The following UBTD2 variants were observed in gnomAD, a reference collection of about 807,000 sequenced individuals.
UBTD2 encodes ubiquitin domain containing 2, also known as ubiquitin domain-containing protein 2.
UBTD2 carries 9 observed loss-of-function variants against 19.8 expected under a neutral mutation model. The observed-to-expected ratio is 0.46, with a 90% CI of 0.27 to 0.79. The LOEUF (loss-of-function observed/expected upper bound fraction) is 0.79, where lower values mean the gene tolerates loss of function less well. Ranked by LOEUF, UBTD2 falls within the 30% of genes least tolerant of loss-of-function variation. UBTD2 has a pLI of 0.14. For synonymous variants in UBTD2, 98 were observed against 103.9 expected (o/e 0.94, Z 0.35); for missense variants, 250 against 300.4 (o/e 0.83, Z 1.24).
At chr5:172,252,472 A>T (rs1755043991) in intron 1 of UBTD2, 1 of 152,228 alleles carries the variant, frequency 6.6e-6, no homozygotes, top group Non-Finnish European at 1.5e-5. Flanking sequence ...CTGCAAAGAA[A>T]GCGAGGGTGG....
At chr5:172,277,671 A>G (rs1429920862) in intron 1 of UBTD2, among the ~76,000 whole-genome samples, 1 of 152,006 alleles carries the variant, frequency 6.6e-6, no homozygotes, top group Non-Finnish European at 1.5e-5. Flanking sequence ...ACGCCATTGC[A>G]CTCCATCATG....
chr5:172,269,531 A>G (rs1755443662), intron 1 of UBTD2, among the ~76,000 whole-genome samples: 1 of 151,730 alleles, frequency 6.6e-6, no homozygotes, highest in South Asian at 2.1e-4. Context: ...AAAGAATTAG[A>G]TGTAACCTTG....
At chr5:172,260,377 C>A (rs1159914042) in intron 1 of UBTD2, among the ~76,000 whole-genome samples, 1 of 151,946 alleles carries the variant, frequency 6.6e-6, no homozygotes, top group Non-Finnish European at 1.5e-5. Flanking sequence ...CATCCTTGTC[C>A]CCAGCTGAAA....
At chr5:172,230,279 A>G in intron 2 of UBTD2, among the ~76,000 whole-genome samples, 1 of 152,202 alleles carries the variant, frequency 6.6e-6, no homozygotes, top group East Asian at 1.9e-4. Context: ...TAAAAAGTGT[A>G]ATGTTATTTT....
At chr5:172,277,403 A>G (rs972322097) in intron 1 of UBTD2, among the ~76,000 whole-genome samples, 2 of 152,154 alleles carry the variant, frequency 1.3e-5, no homozygotes, top group African/African-American at 4.8e-5. Flanking sequence ...TAAATCGGAC[A>G]TCATTAAAAT....
intron 1 of UBTD2, among the ~76,000 whole-genome samples, chr5:172,274,778 T>C (rs892604473): frequency 2.6e-5 from 4 of 152,028 alleles, no homozygotes; most frequent in East Asian, 3.9e-4. Context: ...CGGTGGCTCA[T>C]GCCTGTAATC....
chr5:172,259,823 G>A (rs1482945394), intron 1 of UBTD2, among the ~76,000 whole-genome samples: 1 of 152,110 alleles, frequency 6.6e-6, no homozygotes, highest in African/African-American at 2.4e-5. Flanking sequence ...GGAGGCTGAG[G>A]TGGGTGGATC....
intron 1 of UBTD2, among the ~76,000 whole-genome samples, chr5:172,265,316 GA>G (rs1755354322): frequency 6.6e-6 from 1 of 152,156 alleles, no homozygotes; most frequent in African/African-American, 2.4e-5. Context: ...AAACCGAAAC[GA>G]AATAATTAAA....
intron 1 of UBTD2, among the ~76,000 whole-genome samples, chr5:172,241,216 C>T (rs762805753): frequency 6.6e-6 from 1 of 151,958 alleles, no homozygotes; most frequent in Non-Finnish European, 1.5e-5. Context: ...GAGTTTGAGA[C>T]AAGCCTGGCC....
intron 1 of UBTD2, among the ~76,000 whole-genome samples, chr5:172,246,915 C>T (rs1377127548): frequency 2.0e-5 from 3 of 151,640 alleles, no homozygotes; most frequent in Non-Finnish European, 4.4e-5. Flanking sequence ...ACCACCATTC[C>T]CTGCTAATTG....
chr5:172,239,899 G>A (rs746668088), intron 1 of UBTD2, among the ~76,000 whole-genome samples: 2 of 152,086 alleles, frequency 1.3e-5, no homozygotes, highest in Admixed American at 6.6e-5. Flanking sequence ...GCGAGACTCC[G>A]TCTCAAAACA....
chr5:172,249,275 T>G (rs1021366562), intron 1 of UBTD2, among the ~76,000 whole-genome samples: 2 of 151,274 alleles, frequency 1.3e-5, no homozygotes, highest in Non-Finnish European at 2.9e-5. Context: ...GGCATGTGCC[T>G]GTAATCCCAG....
intron 2 of UBTD2, among the ~76,000 whole-genome samples, chr5:172,222,306 G>T (rs1173761133): frequency 1.3e-5 from 2 of 152,142 alleles, no homozygotes; most frequent in Non-Finnish European, 2.9e-5. Context: ...GATAGTAGTG[G>T]TTTCTACCAC....
At chr5:172,236,131 G>T (rs928981467) in intron 1 of UBTD2, among the ~76,000 whole-genome samples, 15 of 152,212 alleles carry the variant, frequency 9.9e-5, no homozygotes, top group African/African-American at 3.6e-4. Flanking sequence ...AGACTGCCAG[G>T]TCAGGTCTCT....
intron 2 of UBTD2, among the ~76,000 whole-genome samples, chr5:172,213,920 G>A (rs1048686415): frequency 6.6e-6 from 1 of 152,182 alleles, no homozygotes; most frequent in African/African-American, 2.4e-5. Flanking sequence ...CCCAGTAGCA[G>A]GGATTACAGG....
chr5:172,262,625 A>G (rs1016043805), intron 1 of UBTD2, among the ~76,000 whole-genome samples: 1 of 151,830 alleles, frequency 6.6e-6, no homozygotes, highest in African/African-American at 2.4e-5. Flanking sequence ...CAGCCTCACC[A>G]ACAAGGCAAA....
At chr5:172,257,546 T>C (rs1755180972) in intron 1 of UBTD2, among the ~76,000 whole-genome samples, 2 of 152,234 alleles carry the variant, frequency 1.3e-5, no homozygotes, top group South Asian at 4.1e-4. Flanking sequence ...TTTAAGTTAT[T>C]TGAGAAACCT....
chr5:172,258,514 A>G (rs1182124212), intron 1 of UBTD2, among the ~76,000 whole-genome samples: 2 of 152,146 alleles, frequency 1.3e-5, no homozygotes, highest in African/African-American at 2.4e-5. Context: ...ATTCTGTGAA[A>G]AATGTTATAG....
intron 1 of UBTD2, among the ~76,000 whole-genome samples, chr5:172,247,089 T>C (rs1215059358): frequency 6.6e-6 from 1 of 151,966 alleles, no homozygotes; most frequent in Non-Finnish European, 1.5e-5. Context: ...CTACATGCTA[T>C]CTACAAGAAA....
Sources: gnomAD v4.1 joint callset for allele counts (sites outside exome capture counted in the v4.1 genomes callset) on GRCh38, gnomAD v4.1.1 for gene constraint, MANE v1.5 for transcripts, NCBI Gene and HGNC (gene_info 2026-07-23, HGNC 2026-07-21) for gene names.